The following OTUD7A variants were observed in gnomAD, a reference collection of about 807,000 sequenced individuals.
OTUD7A encodes OTU deubiquitinase 7A, also known as OTU domain-containing protein 7A.
In OTUD7A, 12 loss-of-function variants were observed where a neutral mutation model predicts 65.7. The ratio of observed to expected loss-of-function variants is 0.18; its 90% CI spans 0.12 to 0.30. The LOEUF (loss-of-function observed/expected upper bound fraction) is 0.30, where lower values mean the gene tolerates loss of function less well. Ranked by LOEUF, OTUD7A falls within the 10% of genes least tolerant of loss-of-function variation. The probability of loss-of-function intolerance (pLI) is 1.00; values close to 1 mark genes in which losing one functional copy is unlikely to be tolerated. For synonymous variants in OTUD7A, 641 were observed against 586.3 expected (o/e 1.09, Z -1.35); for missense variants, 1,148 against 1,304.8 (o/e 0.88, Z 1.85).
At chr15:31,566,551 T>C (rs1026113429) in intron 4 of OTUD7A, among the ~76,000 whole-genome samples, 1 of 151,994 alleles carries the variant, frequency 6.6e-6, no homozygotes, top group East Asian at 1.9e-4. Context: ...CTCTTCAGAG[T>C]AGAAAAACAA....
chr15:31,596,744 T>A (rs944996346), intron 3 of OTUD7A, among the ~76,000 whole-genome samples: 4 of 152,210 alleles, frequency 2.6e-5, no homozygotes, highest in Non-Finnish European at 4.4e-5. Context: ...GAAAATTTCC[T>A]CATGTGCTTA....
chr15:31,787,732 T>C (rs899217582), intron 1 of OTUD7A: 3 of 152,210 alleles, frequency 2.0e-5, no homozygotes, highest in African/African-American at 7.2e-5. Context: ...GCATTGGAAA[T>C]GGCAGGCAAT....
intron 1 of OTUD7A, among the ~76,000 whole-genome samples, chr15:31,816,098 G>C (rs1296157222): frequency 6.6e-6 from 1 of 152,190 alleles, no homozygotes; most frequent in East Asian, 1.9e-4. Flanking sequence ...CCTGCTCTGG[G>C]CACAGGTGAG....
Position 31,478,575 on chromosome 15 carries a change from C to T in OTUD7A, c.*4719G>A, listed in dbSNP as rs996315090. ...AGTGCTACTCTGCAACTACGTGTGT[C>T]TTCGGCTCAGCCTGGTGGGGCCAAG... is the stretch of plus-strand genomic sequence containing the variant. On this transcript the variant is annotated 3_prime_UTR_variant, in exon 13 of 13. Coordinates refer to ENST00000307050, the MANE Select transcript of OTUD7A (RefSeq NM_001382637.1). The T allele has an allele frequency of 2.0e-5, 3 of 152,208 alleles. No individual in the cohort carries two copies. Among genetic ancestry groups the T allele is most frequent in the African/African-American group, 7.2e-5 (3 of 41,444 alleles). The allele number at this position is 152,208 out of a possible 1,614,324, so 9.4% of individuals were successfully genotyped here. A position where few individuals can be genotyped will look rare whatever the true frequency, so the allele number is the denominator to read the frequency against.
chr15:31,483,272 C>T lies in OTUD7A; in HGVS notation c.*22G>A, dbSNP rs2041161762. 1 of 1,082,060 alleles carries T rather than the reference C, an allele frequency of 9.2e-7. No individual in the cohort carries two copies. Among genetic ancestry groups the T allele is most frequent in the Non-Finnish European group, 1.1e-6 (1 of 894,356 alleles). The allele number at this position is 1,082,060 out of a possible 1,614,324, so 67.0% of individuals were successfully genotyped here. A position where few individuals can be genotyped will look rare whatever the true frequency, so the allele number is the denominator to read the frequency against. Reference sequence around the variant, plus strand: ...GAAATCCTCGAAGGTAGAACCTCGCCGCCCGCGCCGCGCCGCGCCGCTCAG... The same window carrying T: ...GAAATCCTCGAAGGTAGAACCTCGCTGCCCGCGCCGCGCCGCGCCGCTCAG... On this transcript the variant is annotated 3_prime_UTR_variant, in exon 13 of 13. Coordinates refer to ENST00000307050, the MANE Select transcript of OTUD7A (RefSeq NM_001382637.1).
chr15:31,632,712 G>GC (rs1182180353), intron 3 of OTUD7A, among the ~76,000 whole-genome samples: 2 of 151,848 alleles, frequency 1.3e-5, no homozygotes, highest in Non-Finnish European at 2.9e-5. Flanking sequence ...TCTGTGCCCT[G>GC]CCCCCAGAGG....
intron 1 of OTUD7A, among the ~76,000 whole-genome samples, chr15:31,768,868 A>AT (rs777644670): frequency 7.2e-5 from 11 of 152,232 alleles, no homozygotes; most frequent in Non-Finnish European, 1.3e-4. Context: ...ACCAAAAAGC[A>AT]TACAAAGAGA....
chr15:31,610,617 A>ATATATATATATATATATTTTTT, intron 3 of OTUD7A, among the ~76,000 whole-genome samples: 1 of 30,558 alleles, frequency 3.3e-5, no homozygotes, highest in Non-Finnish European at 4.9e-5. Flanking sequence ...ATATATATAT[A>ATATATATATATATATATTTTTT]TTTTTTTTTT....
intron 1 of OTUD7A, among the ~76,000 whole-genome samples, chr15:31,812,641 A>G (rs1416615218): frequency 6.6e-6 from 1 of 152,148 alleles, no homozygotes; most frequent in Non-Finnish European, 1.5e-5. Flanking sequence ...AATGGCTGCA[A>G]TGAAATGCAT....
At chr15:31,616,093 T>G (rs921625357) in intron 3 of OTUD7A, among the ~76,000 whole-genome samples, 2 of 152,220 alleles carry the variant, frequency 1.3e-5, no homozygotes, top group Admixed American at 6.5e-5. Flanking sequence ...ACCTCTTAGC[T>G]GCAGCGCAGA....
At chr15:31,619,380 A>T (rs1247303789) in intron 3 of OTUD7A, among the ~76,000 whole-genome samples, 1 of 152,116 alleles carries the variant, frequency 6.6e-6, no homozygotes, top group Admixed American at 6.5e-5. Flanking sequence ...TGGCCATTTG[A>T]CGATATTGAT....
intron 1 of OTUD7A, chr15:31,765,912 A>G: frequency 8.7e-6 from 11 of 1,270,542 alleles, no homozygotes; most frequent in South Asian, 1.2e-5. Context: ...TTTCTCCTTT[A>G]GAGGTAAAGT....
At chr15:31,503,558 TC>T in intron 9 of OTUD7A, 132 bp downstream of exon 9, 2 of 1,220,652 alleles carry the variant, frequency 1.6e-6, no homozygotes. Flanking sequence ...AAGAAACACG[TC>T]GAGGAGATCT....
At chr15:31,663,813 C>A (rs1892241208) in intron 1 of OTUD7A, among the ~76,000 whole-genome samples, 1 of 152,092 alleles carries the variant, frequency 6.6e-6, no homozygotes, top group Admixed American at 6.5e-5. Context: ...AGTCTTTTAT[C>A]CTTTGCTCCC....
At chr15:31,667,827 T>G (rs1892362998) in intron 1 of OTUD7A, among the ~76,000 whole-genome samples, 1 of 152,212 alleles carries the variant, frequency 6.6e-6, no homozygotes, top group South Asian at 2.1e-4. Context: ...TTTTAGCAGT[T>G]CTTCTAGTGG....
At chr15:31,573,860 C>G (rs1194452611) in intron 3 of OTUD7A, among the ~76,000 whole-genome samples, 2 of 152,156 alleles carry the variant, frequency 1.3e-5, no homozygotes, top group African/African-American at 4.8e-5. Flanking sequence ...GAGATTGCAC[C>G]ACTGCATGCC....
intron 1 of OTUD7A, among the ~76,000 whole-genome samples, chr15:31,700,631 T>G (rs1308192215): frequency 6.6e-6 from 1 of 152,112 alleles, no homozygotes; most frequent in African/African-American, 2.4e-5. Context: ...ATGATATTCA[T>G]AGAGAATGGC....
intron 3 of OTUD7A, among the ~76,000 whole-genome samples, chr15:31,618,302 G>A (rs1375647718): frequency 1.3e-5 from 2 of 152,230 alleles, no homozygotes; most frequent in Admixed American, 6.5e-5. Flanking sequence ...CCAGTAATGG[G>A]ATGGCTAGGT....
intron 1 of OTUD7A, among the ~76,000 whole-genome samples, chr15:31,747,464 A>C (rs1388466928): frequency 2.6e-5 from 4 of 152,190 alleles, no homozygotes; most frequent in Non-Finnish European, 5.9e-5. Flanking sequence ...AGTGGACACA[A>C]ATCCAAAGGA....
Sources: allele counts gnomAD v4.1 joint callset (sites outside exome capture counted in the v4.1 genomes callset), GRCh38; gene constraint gnomAD v4.1.1; transcripts MANE v1.5; gene names NCBI Gene and HGNC (gene_info 2026-07-23, HGNC 2026-07-21).